PCDH15: variants seen among roughly 807,000 people sequenced by gnomAD.
The protein encoded by PCDH15 is protocadherin-15.
PCDH15 carries 129 observed loss-of-function variants against 178.5 expected under a neutral mutation model. That is an observed-to-expected ratio of 0.72 (90% CI 0.63 to 0.84). The LOEUF (loss-of-function observed/expected upper bound fraction) is 0.84. Among genes scored for constraint, PCDH15 ranks in the 40% least tolerant of loss-of-function variants. The pLI is 0.00. For missense variants in PCDH15, 2,230 were observed against 2,099.9 expected (o/e 1.06, Z -1.21); for synonymous variants, 800 against 732.0 (o/e 1.09, Z -1.50).
At chr10:55,371,486 G>A (rs1164116599) in intron 2 of PCDH15, among the ~76,000 whole-genome samples, 1 of 152,096 alleles carries the variant, frequency 6.6e-6, no homozygotes, top group African/African-American at 2.4e-5. Flanking sequence ...TGTTGAAGGA[G>A]GGAACTGAGG....
At chr10:55,447,686 A>G (rs1188904247) in intron 2 of PCDH15, among the ~76,000 whole-genome samples, 1 of 152,132 alleles carries the variant, frequency 6.6e-6, no homozygotes, top group Non-Finnish European at 1.5e-5. Flanking sequence ...CTTAAAAAAT[A>G]GTTGTGAAAT....
At chr10:54,266,317 A>G (rs2057686235) in intron 8 of PCDH15, among the ~76,000 whole-genome samples, 1 of 151,934 alleles carries the variant, frequency 6.6e-6, no homozygotes, top group Non-Finnish European at 1.5e-5. Context: ...AGCAGTTTAA[A>G]GAGGAAAAAT....
At position 55,524,871 on chromosome 10, in the gene PCDH15, T is replaced by C. The variant is rs963238933; in HGVS notation, c.-156+102754A>G. Among the ~76,000 whole-genome samples the C allele has an allele frequency of 2.0e-5, 3 of 151,910 alleles. No homozygotes were observed. The East Asian group carries it at 5.8e-4, about 29-fold the overall frequency. On this transcript the variant is annotated intron_variant, in intron 2 of 5. Coordinates refer to the PCDH15 transcript ENST00000613346. ...TTAAACATCAATTAAGGCAATTAGTTAACTTGCATGAAAACATTTTCTAAT... is the reference window on the plus strand; with the variant it reads ...TTAAACATCAATTAAGGCAATTAGTCAACTTGCATGAAAACATTTTCTAAT...
chr10:55,434,479 A>T (rs1334524), intron 2 of PCDH15, among the ~76,000 whole-genome samples: 117,040 of 152,144 alleles, frequency 0.77, 46,317 homozygotes, highest in East Asian at 1. Context: ...AAAATGTCAA[A>T]TTATGGGTTA....
chr10:54,030,191 A>T (rs1268964012), intron 18 of PCDH15, among the ~76,000 whole-genome samples: 1 of 151,994 alleles, frequency 6.6e-6, no homozygotes, highest in African/African-American at 2.4e-5. Flanking sequence ...GCTTTGCTCT[A>T]CCTTTTGCTT....
At chr10:53,996,003 C>A (rs1408700310) in intron 20 of PCDH15, among the ~76,000 whole-genome samples, 3 of 152,078 alleles carry the variant, frequency 2.0e-5, no homozygotes, top group Non-Finnish European at 4.4e-5. Context: ...AAGTCTTTCA[C>A]CCTCAAAAAC....
At chr10:55,282,393 T>C (rs1842756950) in intron 1 of PCDH15, among the ~76,000 whole-genome samples, 1 of 152,232 alleles carries the variant, frequency 6.6e-6, no homozygotes, top group South Asian at 2.1e-4. Flanking sequence ...CTTCAGTTGC[T>C]CTACTCATGA....
At chr10:53,823,453 A>T in intron 32 of PCDH15, 1 of 1,158,882 alleles carries the variant, frequency 8.6e-7, no homozygotes, top group Non-Finnish European at 1.3e-6. Context: ...ACTATTAAAT[A>T]CTTAAAAACA....
At chr10:54,292,065 A>G (rs1485103904) in intron 8 of PCDH15, among the ~76,000 whole-genome samples, 1 of 152,206 alleles carries the variant, frequency 6.6e-6, no homozygotes, top group Non-Finnish European at 1.5e-5. Context: ...TGATGCAAAA[A>G]TCCTCAATAA....
At chr10:55,151,900 A>T (rs1024646493) in intron 2 of PCDH15, among the ~76,000 whole-genome samples, 6 of 150,564 alleles carry the variant, frequency 4.0e-5, no homozygotes, top group African/African-American at 1.2e-4. Flanking sequence ...TAAAGACAGG[A>T]TATAGAAAGG....
intron 21 of PCDH15, among the ~76,000 whole-genome samples, chr10:53,979,189 T>C (rs1482849166): frequency 6.6e-6 from 1 of 152,166 alleles, no homozygotes; most frequent in Non-Finnish European, 1.5e-5. Flanking sequence ...TTTAATTAAC[T>C]CATAGTTCTG....
intron 1 of PCDH15, among the ~76,000 whole-genome samples, chr10:55,206,167 G>A (rs1840395716): frequency 6.6e-6 from 1 of 152,006 alleles, no homozygotes; most frequent in African/African-American, 2.4e-5. Context: ...CCTAAAACTT[G>A]TAGGAAGGCT....
chr10:54,462,102 T>C (rs1404856941), intron 3 of PCDH15, among the ~76,000 whole-genome samples: 1 of 152,124 alleles, frequency 6.6e-6, no homozygotes, highest in Non-Finnish European at 1.5e-5. Context: ...TTACTCAGCT[T>C]TCAATTTCTC....
rs35604056 is a variant in PCDH15, at chr10:54,316,529, TACACACACACACAC to T, written c.876+728_876+741del. Reference sequence around the variant, plus strand: ...AATTTTTAAAAACAGAATATGTGTATACACACACACACACACACACACACACACACACACACACA... The same window carrying T: ...AATTTTTAAAAACAGAATATGTGTATACACACACACACACACACACACACA... On this transcript the variant is annotated intron_variant, in intron 8 of 37. Transcript: ENST00000644397. 8.8e-4 allele frequency among the ~76,000 whole-genome samples: 117 copies of T among 132,268 alleles called. 3 individuals carry two copies. Among genetic ancestry groups the T allele is most frequent in the South Asian group, 3.2e-3 (13 of 4,046 alleles). The allele number at this position is 132,268 out of a possible 152,430, so 86.8% of individuals were successfully genotyped here.
chr10:53,968,442 A>G (rs1441772295), intron 21 of PCDH15, among the ~76,000 whole-genome samples: 1 of 152,216 alleles, frequency 6.6e-6, no homozygotes, highest in Non-Finnish European at 1.5e-5. Flanking sequence ...AGAGCTGAAC[A>G]AAAGGCAGCA....
intron 2 of PCDH15, among the ~76,000 whole-genome samples, chr10:55,020,097 C>A (rs1057311821): frequency 4.8e-5 from 7 of 147,324 alleles, no homozygotes; most frequent in African/African-American, 1.5e-4. Context: ...CTCCCTCTCT[C>A]TATATATAAT....
At chr10:54,838,588 A>G (rs551106591) in intron 3 of PCDH15, among the ~76,000 whole-genome samples, 2 of 152,276 alleles carry the variant, frequency 1.3e-5, no homozygotes, top group East Asian at 3.9e-4. Context: ...ACACACCAGG[A>G]GACATGCTTA....
chr10:55,283,767 T>C (rs1398623238), intron 1 of PCDH15, among the ~76,000 whole-genome samples: 1 of 151,938 alleles, frequency 6.6e-6, no homozygotes, highest in Admixed American at 6.6e-5. Flanking sequence ...TTAACTAGGT[T>C]ATGTTTGCCT....
At chr10:55,284,079 T>C (rs114354113) in intron 1 of PCDH15, among the ~76,000 whole-genome samples, 35 of 146,368 alleles carry the variant, frequency 2.4e-4, no homozygotes, top group African/African-American at 9.4e-4. Flanking sequence ...AATGGATGCT[T>C]TGGTTTTCAT....
Sources: allele counts gnomAD v4.1 joint callset (sites outside exome capture counted in the v4.1 genomes callset), GRCh38; gene constraint gnomAD v4.1.1; transcripts MANE v1.5; gene names NCBI Gene and HGNC (gene_info 2026-07-23, HGNC 2026-07-21).